C16orf92: variants seen among roughly 807,000 people sequenced by gnomAD.
C16orf92 encodes fertilization-influencing membrane protein.
Under a neutral mutation model 13.7 loss-of-function variants are expected in C16orf92, and 14 were observed. The observed-to-expected ratio is 1.02, with a 90% confidence interval of 0.67 to 1.60. The LOEUF is 1.60. C16orf92 is among the 40% of genes most tolerant of loss of function. The pLI is 0.00. For synonymous variants in C16orf92, 50 were observed against 57.4 expected, an observed-to-expected ratio of 0.87 and a Z score of 0.58; for missense variants, 116 against 139.0, an observed-to-expected ratio of 0.83 and a Z score of 0.83.
chr16:30,023,610 T>C, intron 1 of C16orf92, 117 bp from the exon 2 acceptor site: 1 of 1,572,004 alleles, frequency 6.4e-7, no homozygotes, highest in East Asian at 2.3e-5. Context: ...ATCAAGACCC[T>C]CCACAGCCTC....
At chr16:30,023,429 A>G (rs1329974144) in intron 1 of C16orf92, 25 bp downstream of exon 1, 1 of 1,606,584 alleles carries the variant, frequency 6.2e-7, no homozygotes, top group Admixed American at 1.7e-5. Context: ...TGGGAGCAGC[A>G]GGAAGGCAGG....
At chr16:30,026,999 A>G (rs1307794336), downstream of C16orf92, 13 of 708,996 alleles carry the variant, frequency 1.8e-5, no homozygotes, top group East Asian at 3.5e-4. Context: ...AACTTGCCCA[A>G]GGTCACACAG....
At chr16:30,026,584 G>A (rs757707863), downstream of C16orf92, 18 of 895,158 alleles carry the variant, frequency 2.0e-5, no homozygotes, top group East Asian at 5.9e-5. Context: ...CCCGCACCCC[G>A]CCCGCCCAGC....
chr16:30,025,358 C>A, downstream of C16orf92: 2 of 1,596,824 alleles, frequency 1.3e-6, no homozygotes, highest in Non-Finnish European at 1.7e-6. This position sits in a 1 kb window ranked among gnomAD's most constrained non-coding sequence, Gnocchi z 4.1. Context: ...GCCGGCATGG[C>A]GCCCGTAGGC....
downstream of C16orf92, among the ~76,000 whole-genome samples, chr16:30,026,428 C>T (rs1480526320): frequency 6.6e-6 from 1 of 152,148 alleles, no homozygotes; most frequent in South Asian, 2.1e-4. Flanking sequence ...GCTGCCCCCA[C>T]ACCCTGGTGC....
chr16:30,025,800 C>T, downstream of C16orf92: 1 of 1,614,042 alleles, frequency 6.2e-7, no homozygotes, highest in East Asian at 2.2e-5. The surrounding 1 kb of genome is among the most constrained non-coding windows in gnomAD (Gnocchi z 4.1). Context: ...AGAAAGAAGT[C>T]TCCCTTACCC....
chr16:30,026,554 C>T, downstream of C16orf92: 4 of 1,497,584 alleles, frequency 2.7e-6, no homozygotes, highest in East Asian at 2.3e-5. Context: ...CCAGCACCAG[C>T]AGGACCAAGG....
chr16:30,026,685 C>T (rs779223633), downstream of C16orf92: 31 of 1,613,858 alleles, frequency 1.9e-5, no homozygotes, highest in African/African-American at 5.3e-5. Flanking sequence ...CAGGTAGCCA[C>T]GCGCTATGGC....
At chr16:30,025,954 C>T, downstream of C16orf92, 1 of 699,742 alleles carries the variant, frequency 1.4e-6, no homozygotes, top group Non-Finnish European at 2.4e-6. The surrounding 1 kb of genome is among the most constrained non-coding windows in gnomAD (Gnocchi z 4.1). Flanking sequence ...GGGTGCAGGG[C>T]TGGGTGCAGT....
At chr16:30,024,136 G>C (rs2070977880) in intron 3 of C16orf92, 50 bp downstream of exon 3, 1 of 1,608,542 alleles carries the variant, frequency 6.2e-7, no homozygotes. Flanking sequence ...CCTTCCTTGG[G>C]AGCGGCTGAA....
intron 1 of C16orf92, 130 bp downstream of exon 1, chr16:30,023,534 C>A: frequency 1.5e-6 from 2 of 1,371,978 alleles, no homozygotes; most frequent in South Asian, 1.3e-5. Context: ...TCCCATCCTG[C>A]TGGTCCCACC....
At chr16:30,025,130 C>T, downstream of C16orf92, 1 of 1,247,812 alleles carries the variant, frequency 8.0e-7, no homozygotes, top group Non-Finnish European at 1.1e-6. The surrounding 1 kb of genome is among the most constrained non-coding windows in gnomAD (Gnocchi z 4.1). Flanking sequence ...AGCCCCAGAG[C>T]CCTGTCTCCA....
Position 30,023,398 on chromosome 16 carries a change from G to T in C16orf92, c.58G>T (p.Glu20Ter). The change falls in exon 1 of 4, where the codon GAA becomes TAA. Residue 20 changes from glutamate (E) to a stop codon, truncating the protein, a stop_gained. Coordinates refer to ENST00000681219, the MANE Select transcript of C16orf92 (RefSeq NM_001109659.2). LOFTEE classifies it high-confidence loss of function. ...WVWLAALGAI[E>*]TAPRPKRATA... is the part of the protein sequence containing the mutation. ...GTGGCTGGCTGCACTAGGGGCCATA[G>T]AAACTGGTAAGAAGCTGTCTTGGGA... The T allele has an allele frequency of 6.2e-7, 1 of 1,611,620 alleles. No individual in the cohort carries two copies. Among genetic ancestry groups the T allele is most frequent in the South Asian group, 1.1e-5 (1 of 90,458 alleles).
chr16:30,024,327 C>G lies in C16orf92; in HGVS notation c.*100C>G. 1 of 1,455,196 alleles carries G rather than the reference C, an allele frequency of 6.9e-7. No homozygotes were observed. The highest frequency in any genetic ancestry group is 9.5e-7 in the Non-Finnish European group (1 of 1,057,912). The allele number at this position is 1,455,196 out of a possible 1,614,324, so 90.1% of individuals were successfully genotyped here. On this transcript the variant is annotated 3_prime_UTR_variant, in exon 4 of 4. Transcript: ENST00000681219. ...CCTGCTTTCCTCCTCCCTGACTGCCCAGCGAGCAGCTGGGGATCCTGTCCC... is the reference window on the plus strand; with the variant it reads ...CCTGCTTTCCTCCTCCCTGACTGCCGAGCGAGCAGCTGGGGATCCTGTCCC...
Position 30,024,326 on chromosome 16 carries a change from C to G in C16orf92, c.*99C>G. On this transcript the variant is annotated 3_prime_UTR_variant, in exon 4 of 4. Transcript: ENST00000681219. ...CCCTGCTTTCCTCCTCCCTGACTGC[C>G]CAGCGAGCAGCTGGGGATCCTGTCC... is the stretch of plus-strand genomic sequence containing the variant. The G allele has an allele frequency of 6.8e-7, 1 of 1,463,930 alleles. No individual in the cohort carries two copies. The highest frequency in any genetic ancestry group is 1.2e-5 in the South Asian group (1 of 82,116). 90.7% of individuals were successfully genotyped at this position (1,463,930 alleles called of 1,614,324 possible). A position where few individuals can be genotyped will look rare whatever the true frequency, so the allele number is the denominator to read the frequency against.
chr16:30,026,676 A>G, downstream of C16orf92: 1 of 1,613,854 alleles, frequency 6.2e-7, no homozygotes, highest in Non-Finnish European at 8.5e-7. Flanking sequence ...CTCCTTGTGC[A>G]GGTAGCCACG....
chr16:30,026,772 A>G, downstream of C16orf92: 1 of 1,614,160 alleles, frequency 6.2e-7, no homozygotes, highest in Non-Finnish European at 8.5e-7. Flanking sequence ...CCAGTGACAG[A>G]GGAACATGGC....
chr16:30,026,600 G>A (rs1036034483), downstream of C16orf92: 19 of 1,225,028 alleles, frequency 1.6e-5, no homozygotes, highest in Middle Eastern at 2.0e-4. Flanking sequence ...CCAGCTCCCC[G>A]GGACTCACCA....
At chr16:30,026,057 C>A (rs937068254), downstream of C16orf92, among the ~76,000 whole-genome samples, 1 of 152,090 alleles carries the variant, frequency 6.6e-6, no homozygotes, top group Non-Finnish European at 1.5e-5. Flanking sequence ...CATGGTGAAA[C>A]CCCGTCTGTA....
Sources: allele counts gnomAD v4.1 joint callset (sites outside exome capture counted in the v4.1 genomes callset), GRCh38; gene constraint gnomAD v4.1.1; non-coding constraint Gnocchi (gnomAD v3.1); transcripts MANE v1.5; gene names NCBI Gene and HGNC (gene_info 2026-07-23, HGNC 2026-07-21).